The following MTA3 variants were observed in gnomAD, a reference collection of about 807,000 sequenced individuals.
MTA3 encodes the protein metastasis associated 1 family member 3.
Under a neutral mutation model 83.5 loss-of-function variants are expected in MTA3, and 34 were observed. The ratio of observed to expected loss-of-function variants is 0.41; its 90% CI spans 0.31 to 0.54. MTA3 has a LOEUF of 0.54. Ranked by LOEUF, MTA3 falls within the 20% of genes least tolerant of loss-of-function variation. The pLI, the probability that MTA3 is intolerant of heterozygous loss-of-function variation, is 0.33. For missense variants in MTA3, 761 were observed against 726.4 expected (o/e 1.05, Z -0.55); for synonymous variants, 303 against 252.7 (o/e 1.20, Z -1.89).
At chr2:42,726,513 A>T (rs1289552850) in intron 16 of MTA3, among the ~76,000 whole-genome samples, 3 of 151,612 alleles carry the variant, frequency 2.0e-5, no homozygotes, top group Non-Finnish European at 4.4e-5. Flanking sequence ...CACTCCCCCC[A>T]ACCCACAACA....
At chr2:42,499,635 C>G (rs546021681) in intron 2 of MTA3, among the ~76,000 whole-genome samples, 1 of 151,100 alleles carries the variant, frequency 6.6e-6, no homozygotes, top group African/African-American at 2.4e-5. Flanking sequence ...ACTAAAAATA[C>G]AAAATTAGCC....
In MTA3 at chr2:42,664,466, C is replaced by CTTTTTTTTTTTTTTTTTTTTTTTT. The variant is rs35633597; in HGVS notation, c.702+4609_702+4632dup. 1.7e-4 allele frequency among the ~76,000 whole-genome samples: 15 copies of CTTTTTTTTTTTTTTTTTTTTTTTT among 85,746 alleles called. 7 individuals are homozygous for CTTTTTTTTTTTTTTTTTTTTTTTT. The highest frequency in any genetic ancestry group is 3.0e-4 in the Admixed American group (2 of 6,698). The allele number at this position is 85,746 out of a possible 152,430, so 56.3% of individuals were successfully genotyped here. A position where few individuals can be genotyped will look rare whatever the true frequency, so the allele number is the denominator to read the frequency against. ...CCTACTACCCCCTCACCCCGCTTAC[C>CTTTTTTTTTTTTTTTTTTTTTTTT]TTTTTTTTTTTTTTTTTTTTTTTTT... On this transcript the variant is annotated intron_variant, in intron 8 of 16. Coordinates refer to ENST00000405094, the MANE Select transcript of MTA3 (RefSeq NM_001330442.2).
chr2:42,702,211 C>G (rs186131023), intron 11 of MTA3: 3 of 152,316 alleles, frequency 2.0e-5, no homozygotes, highest in East Asian at 1.9e-4. Flanking sequence ...GACTTTGTCT[C>G]AAAAAGTAAA....
chr2:42,505,734 G>A (rs1674599389), intron 2 of MTA3, among the ~76,000 whole-genome samples: 1 of 151,158 alleles, frequency 6.6e-6, no homozygotes. Context: ...AAGTGGGTGG[G>A]AATATAGATG....
intron 8 of MTA3, among the ~76,000 whole-genome samples, chr2:42,660,731 T>C (rs1010773613): frequency 6.6e-6 from 1 of 152,258 alleles, no homozygotes; most frequent in Admixed American, 6.5e-5. Flanking sequence ...AATATTGTTT[T>C]CTAATGAAAT....
chr2:42,541,758 C>T (rs1395346582), intron 2 of MTA3, among the ~76,000 whole-genome samples: 1 of 152,174 alleles, frequency 6.6e-6, no homozygotes, highest in Non-Finnish European at 1.5e-5. Flanking sequence ...GTCAGTATAT[C>T]CCTTCCAGTC....
rs752125731 is a variant in MTA3 at position 42,659,879 on chromosome 2, A to C, written c.702+17A>C. On this transcript the variant is annotated intron_variant, in intron 8 of 16. Transcript: ENST00000405094. ...ATCACCTTGGTAAGACATGGTTTGA[A>C]ATTTTGTGGGTATTTATCCTTCTGT... 3 of 1,574,442 alleles carry C rather than the reference A, an allele frequency of 1.9e-6. No individual in the cohort carries two copies. The highest frequency in any genetic ancestry group is 2.6e-6 in the Non-Finnish European group (3 of 1,156,838).
chr2:42,523,761 C>G (rs1034939817), intron 2 of MTA3, among the ~76,000 whole-genome samples: 1 of 151,824 alleles, frequency 6.6e-6, no homozygotes, highest in Non-Finnish European at 1.5e-5. Context: ...AAAACAAAAA[C>G]AAAACAAATA....
At chr2:42,559,488 C>T (rs1479085605) in intron 2 of MTA3, among the ~76,000 whole-genome samples, 7 of 147,896 alleles carry the variant, frequency 4.7e-5, no homozygotes, top group South Asian at 2.2e-4. Flanking sequence ...GGCAACAGAG[C>T]GAGACCTTGT....
At chr2:42,734,098 C>T (rs1010576143) in intron 16 of MTA3, among the ~76,000 whole-genome samples, 3 of 152,006 alleles carry the variant, frequency 2.0e-5, no homozygotes, top group African/African-American at 4.8e-5. Context: ...TCTGTCTGGA[C>T]GATGTGTTCA....
chr2:42,718,385 T>C, intron 14 of MTA3, among the ~76,000 whole-genome samples: 1 of 151,192 alleles, frequency 6.6e-6, no homozygotes, highest in East Asian at 2.0e-4. Context: ...GTAGCTGGGA[T>C]TACAGGCATG....
At chr2:42,552,782 T>C (rs1677176512) in intron 2 of MTA3, among the ~76,000 whole-genome samples, 1 of 151,488 alleles carries the variant, frequency 6.6e-6, no homozygotes, top group Non-Finnish European at 1.5e-5. Context: ...AAGCCCCGTC[T>C]CTACTAAAAA....
intron 2 of MTA3, among the ~76,000 whole-genome samples, chr2:42,523,311 CT>C (rs1252102374): frequency 6.6e-6 from 1 of 152,154 alleles, no homozygotes; most frequent in African/African-American, 2.4e-5. Flanking sequence ...CCTGGGCAAT[CT>C]TTGGGTAAGG....
intron 7 of MTA3, 142 bp downstream of exon 7, chr2:42,656,444 C>T (rs1006355298): frequency 4.7e-6 from 2 of 422,956 alleles, no homozygotes; most frequent in East Asian, 3.6e-5. Flanking sequence ...AAGCTTAATA[C>T]GTTATGCTGC....
intron 4 of MTA3, among the ~76,000 whole-genome samples, chr2:42,632,691 G>A (rs1686799048): frequency 1.3e-5 from 2 of 152,074 alleles, no homozygotes. Flanking sequence ...CCCATGGATG[G>A]AATGGGCATC....
At chr2:42,750,946 C>G (rs1279662122) in intron 16 of MTA3, among the ~76,000 whole-genome samples, 3 of 152,188 alleles carry the variant, frequency 2.0e-5, no homozygotes, top group East Asian at 3.8e-4. Flanking sequence ...CCAGAGGTAC[C>G]TGGTGTCATT....
chr2:42,631,392 C>T (rs1246532228), intron 4 of MTA3, among the ~76,000 whole-genome samples: 5 of 152,208 alleles, frequency 3.3e-5, no homozygotes, highest in Non-Finnish European at 7.3e-5. Flanking sequence ...AACTGCTTAA[C>T]CCCTTTAAGG....
rs185956702 is a variant in MTA3 at position 42,601,143 on chromosome 2, G to C, written c.191-8315G>C. On this transcript the variant is annotated intron_variant, in intron 3 of 16. Coordinates refer to ENST00000405094, the MANE Select transcript of MTA3 (RefSeq NM_001330442.2). The stretch of plus-strand genomic sequence containing the variant: ...GATGGTCTCCATCTCTTGATCTCAC[G>C]ATCTACCCGCCTTGGCCTCCCAAAG... Among the ~76,000 whole-genome samples the C allele has an allele frequency of 2.0e-5, 3 of 152,140 alleles. No individual in the cohort carries two copies. In the South Asian group the frequency reaches 6.2e-4, roughly 32 times the overall value.
At chr2:42,610,929 T>A (rs1684117162) in intron 4 of MTA3, among the ~76,000 whole-genome samples, 1 of 152,068 alleles carries the variant, frequency 6.6e-6, no homozygotes, top group Non-Finnish European at 1.5e-5. Flanking sequence ...CTGGTCATAA[T>A]GGTCCTTAAA....
Sources: allele counts gnomAD v4.1 joint callset (sites outside exome capture counted in the v4.1 genomes callset), GRCh38; gene constraint gnomAD v4.1.1; transcripts MANE v1.5; gene names NCBI Gene and HGNC (gene_info 2026-07-23, HGNC 2026-07-21).